The following EPHB1 variants were observed in gnomAD, a reference collection of about 807,000 sequenced individuals.
EPHB1 encodes ephrin type-B receptor 1.
In EPHB1, 30 loss-of-function variants were observed where a neutral mutation model predicts 94.4. The ratio of observed to expected loss-of-function variants is 0.32; its 90% CI spans 0.24 to 0.43. The LOEUF is 0.43. Ranked by LOEUF, EPHB1 falls within the 20% of genes least tolerant of loss-of-function variation. The pLI is 1.00. For synonymous variants in EPHB1, 522 were observed against 489.1 expected (o/e 1.07, Z -0.89); for missense variants, 1,055 against 1,308.3 (o/e 0.81, Z 2.99).
chr3:135,138,148 G>A (rs1014078479), intron 5 of EPHB1, among the ~76,000 whole-genome samples: 6 of 152,230 alleles, frequency 3.9e-5, no homozygotes, highest in African/African-American at 7.2e-5. Flanking sequence ...TGCAGTTCAT[G>A]TATGGCCTGC....
At chr3:135,231,668 A>G (rs1943534380) in intron 12 of EPHB1, among the ~76,000 whole-genome samples, 1 of 152,204 alleles carries the variant, frequency 6.6e-6, no homozygotes, top group African/African-American at 2.4e-5. Flanking sequence ...TTCATTTTGG[A>G]GGAGCAGCTA....
intron 11 of EPHB1, among the ~76,000 whole-genome samples, chr3:135,196,217 T>C (rs1942611064): frequency 1.3e-5 from 2 of 152,146 alleles, no homozygotes; most frequent in Admixed American, 1.3e-4. Flanking sequence ...TTGAGTTCAT[T>C]GTAGATTCTG....
At chr3:135,204,754 C>T (rs868826560) in intron 12 of EPHB1, among the ~76,000 whole-genome samples, 12 of 151,738 alleles carry the variant, frequency 7.9e-5, no homozygotes, top group African/African-American at 1.2e-4. Context: ...TTGCCCGCCT[C>T]GGCCTCCCAA....
At chr3:135,076,261 A>ATATATATATG (rs1553729687) in intron 3 of EPHB1, among the ~76,000 whole-genome samples, 39 of 112,574 alleles carry the variant, frequency 3.5e-4, no homozygotes, top group South Asian at 2.5e-3. Context: ...ATATATATAT[A>ATATATATATG]ACTCTTAAAT....
intron 1 of EPHB1, among the ~76,000 whole-genome samples, chr3:134,827,656 C>T (rs1004503383): frequency 6.6e-6 from 1 of 152,212 alleles, no homozygotes; most frequent in Non-Finnish European, 1.5e-5. Flanking sequence ...ATGTTTAGTT[C>T]TCAACCAGTC....
chr3:135,034,041 GCTT>G (rs1484983673), intron 3 of EPHB1, among the ~76,000 whole-genome samples: 1 of 151,834 alleles, frequency 6.6e-6, no homozygotes, highest in Non-Finnish European at 1.5e-5. Flanking sequence ...TCATTTCTCT[GCTT>G]CTCTTTTTTT....
intron 3 of EPHB1, among the ~76,000 whole-genome samples, chr3:135,061,691 C>T (rs1937512886): frequency 6.6e-6 from 1 of 151,894 alleles, no homozygotes; most frequent in Admixed American, 6.6e-5. Context: ...GGGTGTGCTG[C>T]ACCCATTAAC....
At chr3:134,995,860 A>G (rs1444291636) in intron 3 of EPHB1, among the ~76,000 whole-genome samples, 1 of 152,242 alleles carries the variant, frequency 6.6e-6, no homozygotes, top group Non-Finnish European at 1.5e-5. Flanking sequence ...TGGTAGAAGT[A>G]GAAATACAAA....
In EPHB1 at chr3:134,795,571, G is replaced by A; in HGVS notation, c.-61G>A. The stretch of plus-strand genomic sequence containing the variant: ...GGAGAGCGCAGCGGCGCCCTGGGAC[G>A]CGGCGCTCTCCCGGCGCTGCTGCCT... On this transcript the variant is annotated 5_prime_UTR_variant, in exon 1 of 16. Coordinates refer to ENST00000398015, the MANE Select transcript of EPHB1 (RefSeq NM_004441.5). 6.5e-7 allele frequency: 1 copy of A among 1,537,860 alleles called. No homozygotes were observed. Among genetic ancestry groups the A allele is most frequent in the Non-Finnish European group, 8.9e-7 (1 of 1,124,788 alleles).
chr3:135,188,207 T>TA (rs1942378884), intron 10 of EPHB1, among the ~76,000 whole-genome samples: 2 of 146,546 alleles, frequency 1.4e-5, no homozygotes, highest in African/African-American at 5.1e-5. Flanking sequence ...AAAAAATAAA[T>TA]AAATAAAGGC....
intron 1 of EPHB1, among the ~76,000 whole-genome samples, chr3:134,918,558 A>G (rs2038616496): frequency 6.6e-6 from 1 of 152,216 alleles, no homozygotes; most frequent in East Asian, 1.9e-4. Flanking sequence ...CCTACCCAGC[A>G]GCTGTTCCAT....
chr3:134,920,490 TG>T (rs2107699558), intron 1 of EPHB1, among the ~76,000 whole-genome samples: 1 of 152,294 alleles, frequency 6.6e-6, no homozygotes, highest in South Asian at 2.1e-4. Context: ...TCTGTGGACT[TG>T]CCTTATCAAA....
At chr3:134,841,347 C>T (rs1303244744) in intron 1 of EPHB1, 1 of 152,242 alleles carries the variant, frequency 6.6e-6, no homozygotes, top group African/African-American at 2.4e-5. Flanking sequence ...CAACCTGCTG[C>T]TCATGCTGCT....
At chr3:135,099,764 C>A (rs528829618) in intron 3 of EPHB1, among the ~76,000 whole-genome samples, 8 of 152,332 alleles carry the variant, frequency 5.3e-5, no homozygotes, top group Non-Finnish European at 8.8e-5. Flanking sequence ...GAATTTCTTG[C>A]CCACCAACAC....
intron 3 of EPHB1, among the ~76,000 whole-genome samples, chr3:135,031,139 G>A (rs1252993931): frequency 1.3e-5 from 2 of 152,196 alleles, no homozygotes; most frequent in Non-Finnish European, 2.9e-5. Context: ...TCCCTAGTGA[G>A]ATGAACCCCG....
intron 11 of EPHB1, among the ~76,000 whole-genome samples, chr3:135,200,674 C>T (rs1942728127): frequency 6.6e-6 from 1 of 152,016 alleles, no homozygotes; most frequent in African/African-American, 2.4e-5. Context: ...AGTATAAAAT[C>T]AAGCAGCAGA....
At chr3:134,824,536 C>T (rs1314834418) in intron 1 of EPHB1, among the ~76,000 whole-genome samples, 1 of 152,210 alleles carries the variant, frequency 6.6e-6, no homozygotes, top group African/African-American at 2.4e-5. Context: ...GCAGTTATCT[C>T]CCATCCAACA....
chr3:134,798,257 G>C (rs1190003170), intron 1 of EPHB1, among the ~76,000 whole-genome samples: 1 of 152,198 alleles, frequency 6.6e-6, no homozygotes, highest in Non-Finnish European at 1.5e-5. Flanking sequence ...AGGGACAAAG[G>C]GACAGTGACA....
intron 3 of EPHB1, among the ~76,000 whole-genome samples, chr3:135,009,476 A>T (rs1267799001): frequency 6.6e-6 from 1 of 152,290 alleles, no homozygotes; most frequent in African/African-American, 2.4e-5. Context: ...TGAGATGCAG[A>T]AAACAGAAAA....
Sources: allele counts gnomAD v4.1 joint callset (sites outside exome capture counted in the v4.1 genomes callset), GRCh38; gene constraint gnomAD v4.1.1; transcripts MANE v1.5; gene names NCBI Gene and HGNC (gene_info 2026-07-23, HGNC 2026-07-21).